The following DCC variants were observed in gnomAD, a reference collection of about 807,000 sequenced individuals.
DCC encodes DCC netrin 1 receptor.
DCC carries 58 observed loss-of-function variants against 172.5 expected under a neutral mutation model. The observed-to-expected ratio is 0.34, with a 90% CI of 0.27 to 0.42. The LOEUF is 0.42. Among genes scored for constraint, DCC ranks in the 10% least tolerant of loss-of-function variants. The pLI is 1.00. For missense variants in DCC, 1,740 were observed against 1,791.0 expected (o/e 0.97, Z 0.51); for synonymous variants, 709 against 644.5 (o/e 1.10, Z -1.52).
At chr18:52,549,633 T>C (rs1167942510) in intron 1 of DCC, among the ~76,000 whole-genome samples, 1 of 152,126 alleles carries the variant, frequency 6.6e-6, no homozygotes, top group East Asian at 1.9e-4. Context: ...GACCATGGTC[T>C]AGGACATTCA....
intron 7 of DCC, among the ~76,000 whole-genome samples, chr18:53,146,500 C>T (rs768834315): frequency 1.3e-5 from 2 of 152,180 alleles, no homozygotes; most frequent in African/African-American, 2.4e-5. Flanking sequence ...TTCCTATTTA[C>T]GAGGGCAGAG....
At chr18:53,511,586 C>T (rs1013829561) in intron 27 of DCC, among the ~76,000 whole-genome samples, 1 of 152,182 alleles carries the variant, frequency 6.6e-6, no homozygotes, top group Non-Finnish European at 1.5e-5. Context: ...ACAGTGGGCG[C>T]AGGTCAGTGG....
intron 1 of DCC, among the ~76,000 whole-genome samples, chr18:52,466,411 A>C (rs1187701366): frequency 6.6e-6 from 1 of 152,130 alleles, no homozygotes; most frequent in African/African-American, 2.4e-5. Context: ...AACTCGAAAA[A>C]CATTTAGCCT....
At chr18:52,723,629 A>C (rs2036505833) in intron 1 of DCC, among the ~76,000 whole-genome samples, 1 of 152,168 alleles carries the variant, frequency 6.6e-6, no homozygotes, top group Admixed American at 6.5e-5. Flanking sequence ...AGCATACCTG[A>C]GGTCAGATGA....
At chr18:52,791,955 A>C (rs1375128850) in intron 2 of DCC, among the ~76,000 whole-genome samples, 2 of 152,122 alleles carry the variant, frequency 1.3e-5, no homozygotes, top group African/African-American at 4.8e-5. Flanking sequence ...CTGGCTTTGG[A>C]GGATATTTTG....
chr18:53,324,345 G>A (rs1441882422), intron 14 of DCC, among the ~76,000 whole-genome samples: 1 of 152,036 alleles, frequency 6.6e-6, no homozygotes, highest in Non-Finnish European at 1.5e-5. Flanking sequence ...CTTATTAAAG[G>A]TCTATATATG....
At chr18:52,383,075 G>A (rs777749624) in intron 1 of DCC, among the ~76,000 whole-genome samples, 4 of 151,942 alleles carry the variant, frequency 2.6e-5, no homozygotes, top group Non-Finnish European at 4.4e-5. Context: ...CATTACACAC[G>A]ATGCTAGGAT....
intron 5 of DCC, among the ~76,000 whole-genome samples, chr18:52,971,774 G>C (rs922553690): frequency 6.6e-6 from 1 of 152,172 alleles, no homozygotes; most frequent in Non-Finnish European, 1.5e-5. Flanking sequence ...CTAAGGCAGA[G>C]AGAAGTCAAG....
intron 1 of DCC, among the ~76,000 whole-genome samples, chr18:52,366,091 G>A (rs8085304): frequency 0.088 from 13,421 of 151,982 alleles, 986 homozygotes; most frequent in East Asian, 0.37. Flanking sequence ...TCATTTTTAC[G>A]TATATGAAGG....
intron 1 of DCC, among the ~76,000 whole-genome samples, chr18:52,493,505 G>A (rs1041797287): frequency 2.0e-5 from 3 of 152,004 alleles, no homozygotes; most frequent in Non-Finnish European, 4.4e-5. Context: ...GTTTATGTTG[G>A]CAATATTTGC....
At chr18:52,721,002 C>T (rs770892808) in intron 1 of DCC, among the ~76,000 whole-genome samples, 14 of 152,112 alleles carry the variant, frequency 9.2e-5, no homozygotes, top group Non-Finnish European at 1.5e-4. Flanking sequence ...CCTAGTGTTA[C>T]GTGCGTGTGT....
chr18:53,353,532 T>C (rs1599056259), intron 15 of DCC, among the ~76,000 whole-genome samples: 2 of 152,320 alleles, frequency 1.3e-5, no homozygotes, highest in African/African-American at 4.8e-5. Flanking sequence ...GGTGTCATTT[T>C]TTTTTACATC....
intron 5 of DCC, among the ~76,000 whole-genome samples, chr18:52,929,958 C>T (rs1280611175): frequency 6.6e-6 from 1 of 151,806 alleles, no homozygotes; most frequent in African/African-American, 2.4e-5. Context: ...TTGTGTGTGC[C>T]TGTGCACATG....
At chr18:53,206,189 C>T (rs55957902) in intron 10 of DCC, among the ~76,000 whole-genome samples, 39,515 of 128,956 alleles carry the variant, frequency 0.31, 7,647 homozygotes, top group East Asian at 0.58. Context: ...AATACATATA[C>T]GTATACATAT....
chr18:52,975,704 C>A (rs983499120), intron 5 of DCC, among the ~76,000 whole-genome samples: 6 of 152,156 alleles, frequency 3.9e-5, no homozygotes, highest in African/African-American at 1.2e-4. Flanking sequence ...TCATTTATGG[C>A]TGCATAGTAT....
At chr18:52,467,607 C>T (rs1276136326) in intron 1 of DCC, among the ~76,000 whole-genome samples, 6 of 152,200 alleles carry the variant, frequency 3.9e-5, no homozygotes, top group South Asian at 4.2e-4. Context: ...GTTATAGATC[C>T]TTGAGGAATC....
intron 5 of DCC, among the ~76,000 whole-genome samples, chr18:52,974,558 A>G (rs978496598): frequency 3.9e-5 from 6 of 152,228 alleles, no homozygotes; most frequent in Non-Finnish European, 8.8e-5. Context: ...TTTTGCTTGA[A>G]AAGCCACAGG....
At chr18:52,977,266 C>T (rs937935722) in intron 5 of DCC, among the ~76,000 whole-genome samples, 3 of 152,078 alleles carry the variant, frequency 2.0e-5, no homozygotes, top group African/African-American at 4.8e-5. Flanking sequence ...TAGACTAGAA[C>T]AGTGGTCTTC....
In DCC at chr18:52,854,198, T is replaced by C. The variant is rs2039017771; in HGVS notation, c.413-51846T>C. Among the ~76,000 whole-genome samples the C allele has an allele frequency of 2.0e-5, 3 of 152,214 alleles. No individual in the cohort carries two copies. In the South Asian group the frequency reaches 6.2e-4, roughly 32 times the overall value. ...TAACACTGCAAATATACAAGCAGTTTTGACTTCTTTTGATTCTATTTTGCA... is the reference window on the plus strand; with the variant it reads ...TAACACTGCAAATATACAAGCAGTTCTGACTTCTTTTGATTCTATTTTGCA... On this transcript the variant is annotated intron_variant, in intron 2 of 28. Transcript: ENST00000442544.
Sources: allele counts gnomAD v4.1 joint callset (sites outside exome capture counted in the v4.1 genomes callset), GRCh38; gene constraint gnomAD v4.1.1; transcripts MANE v1.5; gene names NCBI Gene and HGNC (gene_info 2026-07-23, HGNC 2026-07-21).